RSRP1: variants seen among roughly 807,000 people sequenced by gnomAD.
RSRP1 encodes arginine and serine rich protein 1.
A neutral mutation model predicts 33.0 loss-of-function variants in RSRP1; 37 were observed. The observed-to-expected ratio is 1.12, with a 90% CI of 0.86 to 1.48. The LOEUF is 1.48. RSRP1 is among the 40% of genes most tolerant of loss of function. The probability of loss-of-function intolerance (pLI) is 0.00; values close to 1 mark genes in which losing one functional copy is unlikely to be tolerated. For missense variants in RSRP1, 402 were observed against 385.3 expected (o/e 1.04, Z -0.36); for synonymous variants, 167 against 158.7 (o/e 1.05, Z -0.40).
rs75395326 is a variant in RSRP1 at position 25,242,695 on chromosome 1, G to C, written c.767C>G (p.Ala256Gly). The change falls in exon 5 of 5, where the codon GCA becomes GGA. Residue 256 changes from alanine to glycine, a missense_variant. Coordinates refer to ENST00000243189, the MANE Select transcript of RSRP1 (RefSeq NM_020317.5). ...SIAFSSNNSVAKPIQKSAKAA... is the reference protein window; with the variant it reads ...SIAFSSNNSVGKPIQKSAKAA... ...TTTAGCTGATTTTTGTATTGGCTTT[G>C]CTACAGAATTCTGTAAAAGAACAAA... 2 of 1,602,274 alleles carry C rather than the reference G, an allele frequency of 1.2e-6. No homozygotes were observed. Among genetic ancestry groups the C allele is most frequent in the Non-Finnish European group, 1.7e-6 (2 of 1,176,668 alleles).
At chr1:25,255,795 C>CT (rs1345139685) in intron 1 of RSRP1, among the ~76,000 whole-genome samples, 1 of 152,154 alleles carries the variant, frequency 6.6e-6, no homozygotes, top group Non-Finnish European at 1.5e-5. Flanking sequence ...GAGTGGCAAT[C>CT]TAGATTCCTC....
chr1:25,268,825 A>G lies in RSRP1; in HGVS notation c.-66-21796T>C, dbSNP rs192106687. On this transcript the variant is annotated intron_variant, in intron 1 of 1. Transcript: ENST00000561867. ...TAGCCGGGTGTGGTATCACGCGCCT[A>G]TAATCCCAGCTACTCGGGAGGCTGA... Among the ~76,000 whole-genome samples the G allele has an allele frequency of 7.1e-3, 909 of 128,286 alleles. 123 individuals carry two copies. Among genetic ancestry groups the G allele is most frequent in the African/African-American group, 0.023 (864 of 37,734 alleles). 84.2% of individuals were successfully genotyped at this position (128,286 alleles called of 152,430 possible).
chr1:25,276,532 TAAAAAAA>T lies in RSRP1; in HGVS notation c.-66-29510_-66-29504del, dbSNP rs557746335. On this transcript the variant is annotated intron_variant, in intron 1 of 1. Coordinates refer to the RSRP1 transcript ENST00000561867. ...ACATAGGGAGACCCCCCCCCATCTC[TAAAAAAA>T]AAAAAAAAAAAAAAAACTTTAAAAT... 7.7e-5 allele frequency among the ~76,000 whole-genome samples: 5 copies of T among 64,786 alleles called. 1 individual carries two copies. The highest frequency in any genetic ancestry group is 2.2e-4 in the African/African-American group (3 of 13,854). The allele number at this position is 64,786 out of a possible 152,430, so 42.5% of individuals were successfully genotyped here. A position where few individuals can be genotyped will look rare whatever the true frequency, so the allele number is the denominator to read the frequency against.
At chr1:25,299,740 T>C (rs1643234649) in intron 1 of RSRP1, among the ~76,000 whole-genome samples, 1 of 132,748 alleles carries the variant, frequency 7.5e-6, no homozygotes, top group South Asian at 2.3e-4. Context: ...TAACATGATC[T>C]GACTTGCATT....
upstream of RSRP1, among the ~76,000 whole-genome samples, chr1:25,250,194 G>A (rs955873914): frequency 5.9e-5 from 9 of 152,166 alleles, no homozygotes; most frequent in African/African-American, 2.2e-4. Context: ...AGGTACAGGG[G>A]CTTAAACTAT....
At chr1:25,248,864 C>T (rs1166799372), upstream of RSRP1, among the ~76,000 whole-genome samples, 3 of 152,120 alleles carry the variant, frequency 2.0e-5, no homozygotes, top group Admixed American at 1.3e-4. Context: ...AAAAATAACA[C>T]GAGGCCAGTC....
At chr1:25,245,432 G>A (rs1444466564) in intron 2 of RSRP1, 131 bp from the exon 3 acceptor site, 3 of 1,267,592 alleles carry the variant, frequency 2.4e-6, no homozygotes, top group Admixed American at 2.8e-5. Context: ...TTTATAATAG[G>A]TAAACTAAGG....
rs1557480712 is a variant in RSRP1, at chr1:25,243,574, T to C, written c.732A>G (p.Gln244=). Residue 244 remains glutamine (Q), a synonymous_variant, in exon 4 of 5, where the codon CAA becomes CAG. Transcript: ENST00000243189. ...CATTAGAGCTAAAAGCTATGCTTCT[T>C]TGCTGGGTAGGTTTTTCATTGGGAT... ...TRNPNEKPTQ[Q]RSIAFSSNNS... 1 of 1,613,924 alleles carries C rather than the reference T, an allele frequency of 6.2e-7. No individual in the cohort carries two copies. The highest frequency in any genetic ancestry group is 8.5e-7 in the Non-Finnish European group (1 of 1,179,904).
At chr1:25,311,657 C>A (rs1286495669) in intron 1 of RSRP1, among the ~76,000 whole-genome samples, 1 of 129,798 alleles carries the variant, frequency 7.7e-6, no homozygotes, top group Non-Finnish European at 1.8e-5. Context: ...ATTACTGGCC[C>A]AGAGCTCTAA....
At position 25,304,949 on chromosome 1, in the gene RSRP1, G is replaced by A. The variant is rs627585; in HGVS notation, c.-67+33029C>T. 3.0e-5 allele frequency: 4 copies of A among 131,776 alleles called. No individual in the cohort carries two copies. The East Asian group carries it at 5.8e-4, about 19-fold the overall frequency. 8.2% of individuals were successfully genotyped at this position (131,776 alleles called of 1,614,324 possible). A position where few individuals can be genotyped will look rare whatever the true frequency, so the allele number is the denominator to read the frequency against. On this transcript the variant is annotated intron_variant, in intron 1 of 1. Transcript: ENST00000561867. ...TGGCAGGACTATTCAAAAATGATTC[G>A]CTCATTCATTCATATATTCATTCAT...
rs1639455047 is a variant in RSRP1, at chr1:25,246,742, G to A, written c.222C>T (p.Tyr74=). 2 of 1,609,592 alleles carry A rather than the reference G, an allele frequency of 1.2e-6. No homozygotes were observed. Among genetic ancestry groups the A allele is most frequent in the South Asian group, 1.1e-5 (1 of 90,958 alleles). ...GCGAGTATGACCGCGAGTAGCGCCTGTACTTCCGCTGGTGGCGCCTTCGGG... is the reference window on the plus strand; with the variant it reads ...GCGAGTATGACCGCGAGTAGCGCCTATACTTCCGCTGGTGGCGCCTTCGGG... The part of the protein sequence containing the change: ...SRSRRRHQRK[Y]RRYSRSYSRS... The change falls in exon 2 of 5, where the codon TAC becomes TAT. Residue 74 remains tyrosine, a synonymous_variant. Coordinates refer to ENST00000243189, the MANE Select transcript of RSRP1 (RefSeq NM_020317.5).
At chr1:25,269,398 G>A (rs1232644939) in intron 1 of RSRP1, among the ~76,000 whole-genome samples, 1 of 132,758 alleles carries the variant, frequency 7.5e-6, no homozygotes, top group African/African-American at 2.6e-5. Context: ...TCGTACGTCG[G>A]AGGCCATCTG....
At chr1:25,322,530 G>A (rs1644770560) in intron 1 of RSRP1, among the ~76,000 whole-genome samples, 1 of 132,310 alleles carries the variant, frequency 7.6e-6, no homozygotes, top group African/African-American at 2.6e-5. Context: ...AAAGTTAGCT[G>A]GGTGTGGTGG....
chr1:25,245,715 T>TA (rs1201580415), intron 2 of RSRP1, among the ~76,000 whole-genome samples: 2 of 152,218 alleles, frequency 1.3e-5, no homozygotes, highest in African/African-American at 4.8e-5. Flanking sequence ...TTTTCTTGAC[T>TA]AAAGGCCTGA....
Position 25,290,174 on chromosome 1 carries a change from G to A in RSRP1, c.-66-43145C>T, listed in dbSNP as rs1642363250. Among the ~76,000 whole-genome samples, 2 of 130,492 alleles carry A rather than the reference G, an allele frequency of 1.5e-5. 1 individual carries two copies. 85.6% of individuals were successfully genotyped at this position (130,492 alleles called of 152,430 possible). ...TTCTTTCCACTGCCACGGAGACGGAGAGAAGGGACAGTGGCCCCAGATGGG... is the reference window on the plus strand; with the variant it reads ...TTCTTTCCACTGCCACGGAGACGGAAAGAAGGGACAGTGGCCCCAGATGGG... On this transcript the variant is annotated intron_variant, in intron 1 of 1. Transcript: ENST00000561867.
In RSRP1 at chr1:25,276,742, C is replaced by T. The variant is rs1203217240; in HGVS notation, c.-66-29713G>A. 5.4e-5 allele frequency among the ~76,000 whole-genome samples: 7 copies of T among 129,336 alleles called. No homozygotes were observed. The East Asian group carries it at 1.4e-3, about 26-fold the overall frequency. The allele number at this position is 129,336 out of a possible 152,430, so 84.8% of individuals were successfully genotyped here. On this transcript the variant is annotated intron_variant, in intron 1 of 1. Coordinates refer to the RSRP1 transcript ENST00000561867. ...AAAAATAAAAATATTTGAGGTGAAG[C>T]GAGGCTGTAATAACAAATTTAAAAA...
intron 1 of RSRP1, among the ~76,000 whole-genome samples, chr1:25,313,214 C>G (rs1644261721): frequency 7.7e-6 from 1 of 130,662 alleles, no homozygotes; most frequent in Admixed American, 7.5e-5. Flanking sequence ...CTCTTGCCCT[C>G]TTGCCATGTG....
intron 1 of RSRP1, among the ~76,000 whole-genome samples, chr1:25,296,313 C>G (rs1390757912): frequency 8.1e-6 from 1 of 123,886 alleles, no homozygotes; most frequent in Admixed American, 7.9e-5. Context: ...GTGGTGTGAT[C>G]TCGGCTCACT....
intron 1 of RSRP1, chr1:25,306,519 C>A: frequency 1.6e-6 from 2 of 1,289,546 alleles, no homozygotes; most frequent in South Asian, 1.2e-5. Flanking sequence ...GCCCCGGATA[C>A]CAAGGGTGTG....
Sources: gnomAD v4.1 joint callset for allele counts (sites outside exome capture counted in the v4.1 genomes callset) on GRCh38, gnomAD v4.1.1 for gene constraint, MANE v1.5 for transcripts, NCBI Gene and HGNC (gene_info 2026-07-23, HGNC 2026-07-21) for gene names.